The following PDE10A variants were observed in gnomAD, a reference collection of about 807,000 sequenced individuals.
PDE10A encodes the protein phosphodiesterase 10A.
A neutral mutation model predicts 97.7 loss-of-function variants in PDE10A; 39 were observed. The observed-to-expected ratio is 0.40, with a 90% CI of 0.31 to 0.52. The LOEUF (loss-of-function observed/expected upper bound fraction) is 0.52. PDE10A is among the 20% of genes least tolerant of loss of function. The pLI, the probability that PDE10A is intolerant of heterozygous loss-of-function variation, is 0.56. For synonymous variants in PDE10A, 371 were observed against 376.8 expected (o/e 0.98, Z 0.18); for missense variants, 731 against 1,047.8 (o/e 0.70, Z 4.17).
At chr6:165,732,351 G>C (rs1792458923) in intron 1 of PDE10A, among the ~76,000 whole-genome samples, 2 of 152,214 alleles carry the variant, frequency 1.3e-5, no homozygotes, top group Non-Finnish European at 2.9e-5. Context: ...ACCTGCCCTA[G>C]AGGTGGGGCA....
At chr6:165,429,438 C>A (rs1263949345) in intron 9 of PDE10A, among the ~76,000 whole-genome samples, 2 of 152,058 alleles carry the variant, frequency 1.3e-5, no homozygotes, top group African/African-American at 4.8e-5. Context: ...CAGTCCCATA[C>A]TTCTTTAATT....
intron 20 of PDE10A, 39 bp downstream of exon 20, chr6:165,339,239 T>C (rs1354895327): frequency 2.6e-6 from 3 of 1,159,068 alleles, no homozygotes; most frequent in South Asian, 1.2e-5. Flanking sequence ...CTTAAACTAT[T>C]TGGCTTTAGC....
intron 2 of PDE10A, among the ~76,000 whole-genome samples, chr6:165,540,778 C>A (rs377238857): frequency 6.6e-6 from 1 of 152,102 alleles, no homozygotes; most frequent in African/African-American, 2.4e-5. Flanking sequence ...TACAGGCATG[C>A]GCCACTATGC....
intron 2 of PDE10A, among the ~76,000 whole-genome samples, chr6:165,521,482 G>T (rs1463450409): frequency 6.6e-6 from 1 of 152,184 alleles, no homozygotes; most frequent in African/African-American, 2.4e-5. Flanking sequence ...TAGCCACGTT[G>T]TTAATGCAAA....
chr6:165,494,517 CATAT>C (rs112000837), intron 2 of PDE10A, among the ~76,000 whole-genome samples: 5 of 141,914 alleles, frequency 3.5e-5, no homozygotes, highest in South Asian at 2.2e-4. Context: ...ATGGTGTGTG[CATAT>C]ATATATATAT....
intron 1 of PDE10A, among the ~76,000 whole-genome samples, chr6:165,737,678 A>C (rs1016904054): frequency 1.3e-5 from 2 of 152,246 alleles, no homozygotes; most frequent in Non-Finnish European, 2.9e-5. Flanking sequence ...TCAACAAAAT[A>C]AACCCACAGC....
chr6:165,677,537 T>TA (rs1011258533), intron 1 of PDE10A, among the ~76,000 whole-genome samples: 12 of 152,230 alleles, frequency 7.9e-5, no homozygotes, highest in Admixed American at 6.5e-5. Flanking sequence ...CATTATTTCC[T>TA]AAAAAATGCA....
chr6:165,411,470 C>T (rs1000398494), intron 13 of PDE10A, among the ~76,000 whole-genome samples: 3 of 152,082 alleles, frequency 2.0e-5, no homozygotes, highest in African/African-American at 4.8e-5. Context: ...AGGGAGAAGG[C>T]GGCCATCTGC....
At chr6:165,515,892 C>A (rs1291155705) in intron 2 of PDE10A, among the ~76,000 whole-genome samples, 1 of 151,996 alleles carries the variant, frequency 6.6e-6, no homozygotes, top group African/African-American at 2.4e-5. Context: ...TTTCTTAACC[C>A]ACTGCTGTTC....
chr6:165,726,167 G>T (rs1792289675), intron 1 of PDE10A, among the ~76,000 whole-genome samples: 1 of 152,122 alleles, frequency 6.6e-6, no homozygotes, highest in Non-Finnish European at 1.5e-5. Flanking sequence ...GAATTAAGGG[G>T]TTTCCGGGAG....
chr6:165,558,540 T>C (rs1440847264), intron 1 of PDE10A, among the ~76,000 whole-genome samples: 1 of 152,192 alleles, frequency 6.6e-6, no homozygotes, highest in Non-Finnish European at 1.5e-5. Flanking sequence ...AGGTTTTCTA[T>C]ATAAATAAGC....
At chr6:165,940,879 T>C (rs1271992461) in intron 1 of PDE10A, 1 of 152,270 alleles carries the variant, frequency 6.6e-6, no homozygotes, top group Non-Finnish European at 1.5e-5. Flanking sequence ...CTCCAACTTT[T>C]GGTGCTATAG....
At chr6:165,598,930 C>T (rs1450909238) in intron 1 of PDE10A, among the ~76,000 whole-genome samples, 1 of 152,168 alleles carries the variant, frequency 6.6e-6, no homozygotes, top group Non-Finnish European at 1.5e-5. Context: ...GTCCAGTTCT[C>T]TCTATGGAAT....
chr6:165,362,444 A>G (rs1262130166), intron 18 of PDE10A, among the ~76,000 whole-genome samples: 1 of 152,242 alleles, frequency 6.6e-6, no homozygotes, highest in Non-Finnish European at 1.5e-5. Context: ...GTATGCCAAT[A>G]AAGTAGACAA....
rs762194699 is a variant in PDE10A, at chr6:165,366,281, C to T, written c.2783+12913G>A. Among the ~76,000 whole-genome samples, 29 of 152,074 alleles carry T rather than the reference C, an allele frequency of 1.9e-4. 1 individual carries two copies. The highest frequency in any genetic ancestry group is 4.1e-4 in the Non-Finnish European group (28 of 68,002). ...GTAAATTCTAGCTATGCAGTCAGAT[C>T]AGAAAGCAAAATACATACAAACATC... is the stretch of plus-strand genomic sequence containing the variant. On this transcript the variant is annotated intron_variant, in intron 18 of 21. Coordinates refer to ENST00000539869, the MANE Select transcript of PDE10A (RefSeq NM_001385079.1).
At chr6:165,555,366 T>C (rs1307059406) in intron 1 of PDE10A, among the ~76,000 whole-genome samples, 1 of 152,168 alleles carries the variant, frequency 6.6e-6, no homozygotes. Flanking sequence ...TAAGCCTCAC[T>C]GTCCCCATAA....
intron 1 of PDE10A, among the ~76,000 whole-genome samples, chr6:165,571,661 A>G (rs1785054983): frequency 6.6e-6 from 1 of 152,188 alleles, no homozygotes; most frequent in African/African-American, 2.4e-5. Flanking sequence ...AGGCAAACTG[A>G]GTTTGCTTTT....
At chr6:165,765,812 G>A (rs1226774059) in intron 1 of PDE10A, among the ~76,000 whole-genome samples, 3 of 152,256 alleles carry the variant, frequency 2.0e-5, no homozygotes, top group Non-Finnish European at 4.4e-5. Context: ...CAGAGTGAGC[G>A]AGGGCTCTGA....
chr6:165,966,036 A>C (rs1239119860), intron 1 of PDE10A, among the ~76,000 whole-genome samples: 3 of 152,266 alleles, frequency 2.0e-5, no homozygotes, highest in Non-Finnish European at 4.4e-5. Context: ...ATCACTAAAC[A>C]CCTCCACACA....
Sources: gnomAD v4.1 joint callset for allele counts (sites outside exome capture counted in the v4.1 genomes callset) on GRCh38, gnomAD v4.1.1 for gene constraint, MANE v1.5 for transcripts, NCBI Gene and HGNC (gene_info 2026-07-23, HGNC 2026-07-21) for gene names.